The following ALOX5AP variants were observed in gnomAD, a reference collection of about 807,000 sequenced individuals.
ALOX5AP encodes arachidonate 5-lipoxygenase activating protein.
In ALOX5AP, 9 loss-of-function variants were observed where a neutral mutation model predicts 18.5. That is an observed-to-expected ratio of 0.49 (90% CI 0.29 to 0.85). The LOEUF (loss-of-function observed/expected upper bound fraction) is 0.85. Ranked by LOEUF, ALOX5AP falls within the 40% of genes least tolerant of loss-of-function variation. ALOX5AP has a pLI of 0.08. For synonymous variants in ALOX5AP, 81 were observed against 78.6 expected, an observed-to-expected ratio of 1.03 and a Z score of -0.16; for missense variants, 172 against 202.5, an observed-to-expected ratio of 0.85 and a Z score of 0.91.
rs769170648 is a variant in ALOX5AP, at chr13:30,764,064, G to A, written c.444G>A (p.Lys148=). Residue 148 remains lysine, a synonymous_variant, in exon 5 of 5, where the codon AAG becomes AAA. Coordinates refer to ENST00000380490, the MANE Select transcript of ALOX5AP (RefSeq NM_001629.4). ...GAAGTGACTTTGAAAACTACATAAA[G>A]ACGATCTCCACCACCATCTCCCCTC... ...FFGSDFENYI[K]TISTTISPLL... 4 of 1,614,062 alleles carry A rather than the reference G, an allele frequency of 2.5e-6. No homozygotes were observed. Among genetic ancestry groups the A allele is most frequent in the Non-Finnish European group, 2.5e-6 (3 of 1,180,008 alleles).
At chr13:30,753,555 C>T (rs1010244840) in intron 3 of ALOX5AP, among the ~76,000 whole-genome samples, 3 of 152,152 alleles carry the variant, frequency 2.0e-5, no homozygotes, top group Non-Finnish European at 2.9e-5. Flanking sequence ...GGTTGATAAT[C>T]GTCATTTCTT....
At chr13:30,753,541 C>T (rs772533946) in intron 3 of ALOX5AP, among the ~76,000 whole-genome samples, 25 of 152,130 alleles carry the variant, frequency 1.6e-4, no homozygotes, top group Admixed American at 5.2e-4. Context: ...GCATCAGTAA[C>T]CTTGGTTGAT....
chr13:30,715,403 C>T (rs1951542439), intron 1 of ALOX5AP, among the ~76,000 whole-genome samples: 1 of 152,174 alleles, frequency 6.6e-6, no homozygotes, highest in African/African-American at 2.4e-5. Context: ...AGTTCTGCCA[C>T]ATTGCAGTGG....
chr13:30,718,370 A>T (rs1191356032), intron 1 of ALOX5AP, among the ~76,000 whole-genome samples: 2 of 109,784 alleles, frequency 1.8e-5, no homozygotes, highest in Non-Finnish European at 3.6e-5. Context: ...ATGAAAACCT[A>T]TCACAGATAT....
intron 2 of ALOX5AP, among the ~76,000 whole-genome samples, chr13:30,745,887 A>G (rs1263868982): frequency 6.6e-6 from 1 of 152,256 alleles, no homozygotes; most frequent in African/African-American, 2.4e-5. Flanking sequence ...AACTTCTGCC[A>G]GGTGACTGCA....
At position 30,749,335 on chromosome 13, in the gene ALOX5AP, A is replaced by G. The variant is rs141944833; in HGVS notation, c.171-2717A>G. Among the ~76,000 whole-genome samples, 72 of 152,340 alleles carry G rather than the reference A, an allele frequency of 4.7e-4. 1 individual carries two copies. Among genetic ancestry groups the G allele is most frequent in the African/African-American group, 1.6e-3 (68 of 41,578 alleles). ...AAACCAAAGACCCGAAACATGAGAA[A>G]GAGAAGGAAGCAGGGGAAATCTTTG... On this transcript the variant is annotated intron_variant, in intron 2 of 4. Transcript: ENST00000380490.
chr13:30,738,343 C>T lies in ALOX5AP; in HGVS notation c.70+2668C>T, dbSNP rs150010813. Among the ~76,000 whole-genome samples the T allele has an allele frequency of 2.6e-4, 40 of 152,282 alleles. 1 individual carries two copies. In the South Asian group the frequency reaches 3.3e-3, roughly 13 times the overall value. On this transcript the variant is annotated intron_variant, in intron 1 of 4. Coordinates refer to ENST00000380490, the MANE Select transcript of ALOX5AP (RefSeq NM_001629.4). The stretch of plus-strand genomic sequence containing the variant: ...AGAATGCAGATTTGGAAAAACAGAA[C>T]GAGTTTAAAATACATGATTCTAAGA...
upstream of ALOX5AP, among the ~76,000 whole-genome samples, chr13:30,730,556 T>A (rs1951673104): frequency 1.3e-5 from 2 of 152,216 alleles, no homozygotes; most frequent in Non-Finnish European, 1.5e-5. Context: ...CCCCACCTCC[T>A]GCTCCTTCTC....
upstream of ALOX5AP, among the ~76,000 whole-genome samples, chr13:30,731,969 T>C (rs1951685104): frequency 6.6e-6 from 1 of 152,236 alleles, no homozygotes; most frequent in African/African-American, 2.4e-5. Flanking sequence ...TCTATTAAGA[T>C]GAATGGCATT....
chr13:30,758,613 C>CT (rs1951915960), intron 4 of ALOX5AP, among the ~76,000 whole-genome samples: 1 of 152,136 alleles, frequency 6.6e-6, no homozygotes, highest in African/African-American at 2.4e-5. Context: ...TTGCAGCTCC[C>CT]TTTTTAATGC....
intron 4 of ALOX5AP, among the ~76,000 whole-genome samples, chr13:30,758,751 C>A (rs2137830994): frequency 6.6e-6 from 1 of 151,938 alleles, no homozygotes; most frequent in South Asian, 2.1e-4. Context: ...GGTTTCGTTT[C>A]TTTTCTCTTC....
chr13:30,756,138 G>T, intron 4 of ALOX5AP, 113 bp downstream of exon 4: 1 of 975,098 alleles, frequency 1.0e-6, no homozygotes, highest in Non-Finnish European at 1.6e-6. Context: ...GCATCCCCTT[G>T]GGTGGGAGGG....
intron 1 of ALOX5AP, among the ~76,000 whole-genome samples, chr13:30,720,018 C>A (rs1162133328): frequency 6.6e-6 from 1 of 152,268 alleles, no homozygotes; most frequent in South Asian, 2.1e-4. Flanking sequence ...CATGCCACCA[C>A]GCCCAGATAA....
chr13:30,726,267 A>G (rs531083086), intron 1 of ALOX5AP, among the ~76,000 whole-genome samples: 1 of 152,250 alleles, frequency 6.6e-6, no homozygotes, highest in African/African-American at 2.4e-5. Context: ...GATCCTAATT[A>G]CCAAGGAGAA....
intron 1 of ALOX5AP, among the ~76,000 whole-genome samples, chr13:30,714,433 C>T (rs966495628): frequency 6.6e-6 from 1 of 152,054 alleles, no homozygotes; most frequent in East Asian, 1.9e-4. Context: ...GCATCATCCA[C>T]TTGAGTGAGA....
chr13:30,752,923 C>CA (rs1381937111), intron 3 of ALOX5AP, among the ~76,000 whole-genome samples: 2 of 152,224 alleles, frequency 1.3e-5, no homozygotes, highest in Non-Finnish European at 2.9e-5. Flanking sequence ...GTGAAGAACA[C>CA]AGGCAGAATG....
intron 1 of ALOX5AP, among the ~76,000 whole-genome samples, chr13:30,735,949 A>G (rs1307882407): frequency 6.6e-6 from 1 of 152,190 alleles, no homozygotes; most frequent in Non-Finnish European, 1.5e-5. Flanking sequence ...TAAAACCCTC[A>G]CCGAAGTGTC....
rs545713624 is a variant in ALOX5AP at position 30,747,681 on chromosome 13, C to A, written c.170+3522C>A. On this transcript the variant is annotated intron_variant, in intron 2 of 4. Coordinates refer to ENST00000380490, the MANE Select transcript of ALOX5AP (RefSeq NM_001629.4). ...TCTAAATGGATTACAAGTTCATGGA[C>A]TTTTAACAGGTGTTACAGGGGATAA... Among the ~76,000 whole-genome samples the A allele has an allele frequency of 2.6e-5, 4 of 152,172 alleles. No homozygotes were observed. The South Asian group carries it at 6.2e-4, about 24-fold the overall frequency.
At chr13:30,750,963 C>A (rs1951846912) in intron 2 of ALOX5AP, among the ~76,000 whole-genome samples, 1 of 152,210 alleles carries the variant, frequency 6.6e-6, no homozygotes, top group South Asian at 2.1e-4. Flanking sequence ...AATGGTTTCT[C>A]CCCTAGAAGT....
Sources: gnomAD v4.1 joint callset for allele counts (sites outside exome capture counted in the v4.1 genomes callset) on GRCh38, gnomAD v4.1.1 for gene constraint, MANE v1.5 for transcripts, NCBI Gene and HGNC (gene_info 2026-07-23, HGNC 2026-07-21) for gene names.